Variants in RTRAF observed in about 807,000 individuals in gnomAD.
The protein encoded by RTRAF is tRNA-splicing ligase complex subunit RTRAF.
RTRAF carries 14 observed loss-of-function variants against 34.4 expected under a neutral mutation model. The observed-to-expected ratio is 0.41, with a 90% CI of 0.27 to 0.64. The LOEUF (loss-of-function observed/expected upper bound fraction) is 0.64, where lower values mean the gene tolerates loss of function less well. RTRAF is among the 30% of genes least tolerant of loss of function. The pLI is 0.34. For missense variants in RTRAF, 291 were observed against 288.4 expected, an observed-to-expected ratio of 1.01 and a Z score of -0.06; for synonymous variants, 96 against 95.3, an observed-to-expected ratio of 1.01 and a Z score of -0.04.
chr14:51,991,858 G>A (rs1890440504), intron 2 of RTRAF, among the ~76,000 whole-genome samples: 1 of 152,160 alleles, frequency 6.6e-6, no homozygotes, highest in Admixed American at 6.5e-5. Flanking sequence ...TTGAGCTCAG[G>A]AGTTCTGACA....
rs1365533964 is a variant in RTRAF, at chr14:52,007,190, G to A, written c.*2674G>A. On this transcript the variant is annotated 3_prime_UTR_variant, in exon 8 of 8. Coordinates refer to ENST00000261700, the MANE Select transcript of RTRAF (RefSeq NM_016039.3). Reference sequence around the variant, plus strand: ...AATTTCCAAGTTTCACATTTCTCATGGAGCCGATTTAAATTTCAAATCCTT... The same window carrying A: ...AATTTCCAAGTTTCACATTTCTCATAGAGCCGATTTAAATTTCAAATCCTT... The A allele has an allele frequency of 6.5e-6, 1 of 153,808 alleles. No homozygotes were observed. Among genetic ancestry groups the A allele is most frequent in the Admixed American group, 6.4e-5 (1 of 15,528 alleles). The allele number at this position is 153,808 out of a possible 1,614,324, so 9.5% of individuals were successfully genotyped here. A position where few individuals can be genotyped will look rare whatever the true frequency, so the allele number is the denominator to read the frequency against.
chr14:52,005,423 T>C lies in RTRAF; in HGVS notation c.*907T>C. The C allele has an allele frequency of 6.8e-7, 1 of 1,462,214 alleles. No homozygotes were observed. The highest frequency in any genetic ancestry group is 1.5e-5 in the South Asian group (1 of 65,400). 90.6% of individuals were successfully genotyped at this position (1,462,214 alleles called of 1,614,324 possible). On this transcript the variant is annotated 3_prime_UTR_variant, in exon 8 of 8. Coordinates refer to ENST00000261700, the MANE Select transcript of RTRAF (RefSeq NM_016039.3). The stretch of plus-strand genomic sequence containing the variant: ...TTTTTTACTTTCTTTGCCTTTGCAG[T>C]CACTGTTCTTTAGGGTCCAGGTTCT...
chr14:52,004,194 G>A lies in RTRAF; in HGVS notation c.532G>A (p.Gly178Ser). Residue 178 changes from glycine (G) to serine (S), a missense_variant and splice_region_variant, in exon 7 of 8, where the codon GGC becomes AGC. Physicochemically the swap from Gly to Ser is moderately conservative, Grantham distance 56 (BLOSUM62 0). Transcript: ENST00000261700. ...AVAKANQTKE[G>S]LPVALDKHIL... ...TCATTTTGTCTTTCTTTTTTTAAAG[G>A]GCTTACCTGTTGCTTTAGACAAACA... The A allele has an allele frequency of 6.2e-7, 1 of 1,611,802 alleles. No homozygotes were observed. The highest frequency in any genetic ancestry group is 1.1e-5 in the South Asian group (1 of 90,826).
At chr14:51,996,712 T>G (rs1217639879) in intron 3 of RTRAF, among the ~76,000 whole-genome samples, 2 of 152,020 alleles carry the variant, frequency 1.3e-5, no homozygotes, top group East Asian at 3.8e-4. Context: ...AAAACAACTT[T>G]GTCTTATATA....
chr14:51,990,206 C>G (rs1310484865), intron 1 of RTRAF, among the ~76,000 whole-genome samples: 4 of 152,188 alleles, frequency 2.6e-5, no homozygotes, highest in Non-Finnish European at 5.9e-5. Flanking sequence ...GGACCGATCA[C>G]AGTGGGAGGG....
rs1248021989 is a variant in RTRAF, at chr14:52,004,780, A to G, written c.*264A>G. ...ATATGCCAACCCCCAGCTTTGTCCT[A>G]GAGACAATATAGATCCTTAAGTCAT... On this transcript the variant is annotated 3_prime_UTR_variant, in exon 8 of 8. Transcript: ENST00000261700. 6.1e-6 allele frequency: 2 copies of G among 327,120 alleles called. No individual in the cohort carries two copies. Among genetic ancestry groups the G allele is most frequent in the Non-Finnish European group, 1.1e-5 (2 of 181,580 alleles). 20.3% of individuals were successfully genotyped at this position (327,120 alleles called of 1,614,324 possible).
At chr14:52,000,479 A>C (rs143319251) in intron 5 of RTRAF, among the ~76,000 whole-genome samples, 334 of 152,264 alleles carry the variant, frequency 2.2e-3, no homozygotes, top group African/African-American at 7.8e-3. Context: ...TTAAGATACC[A>C]GACTTGGAAA....
rs1202618218 is a variant in RTRAF at position 52,006,574 on chromosome 14, T to A, written c.*2058T>A. The stretch of plus-strand genomic sequence containing the variant: ...GTGTGGTAGAAGTGATCTGCATAGC[T>A]TACGATGCTGAAGGGGTACTTGAGG... On this transcript the variant is annotated 3_prime_UTR_variant, in exon 8 of 8. Transcript: ENST00000261700. The A allele has an allele frequency of 6.2e-7, 1 of 1,613,796 alleles. No individual in the cohort carries two copies. Among genetic ancestry groups the A allele is most frequent in the South Asian group, 1.1e-5 (1 of 91,070 alleles).
At chr14:51,992,202 CAGATT>C (rs1320402719) in intron 2 of RTRAF, among the ~76,000 whole-genome samples, 4 of 152,122 alleles carry the variant, frequency 2.6e-5, no homozygotes, top group South Asian at 2.1e-4. Flanking sequence ...AAAGAATTCT[CAGATT>C]AGAATAAAAA....
intron 2 of RTRAF, among the ~76,000 whole-genome samples, chr14:51,991,848 T>G (rs969815590): frequency 1.3e-5 from 2 of 152,080 alleles, no homozygotes; most frequent in Non-Finnish European, 1.5e-5. Flanking sequence ...GGCAGATCAT[T>G]TGAGCTCAGG....
rs1890498486 is a variant in RTRAF, at chr14:51,995,120, T to A, written c.286+1298T>A. 1.3e-5 allele frequency among the ~76,000 whole-genome samples: 2 copies of A among 152,148 alleles called. 1 individual carries two copies. Among genetic ancestry groups the A allele is most frequent in the Non-Finnish European group, 2.9e-5 (2 of 68,016 alleles). ...GTAATTTGTAAACTGATACTCAGCT[T>A]TGATTCCTACATGGTACCTCTCTTA... On this transcript the variant is annotated intron_variant, in intron 3 of 7. Coordinates refer to ENST00000261700, the MANE Select transcript of RTRAF (RefSeq NM_016039.3).
chr14:52,004,138 G>A (rs1204090609), intron 6 of RTRAF, 56 bp from the exon 7 acceptor site: 6 of 1,461,788 alleles, frequency 4.1e-6, no homozygotes, highest in East Asian at 2.3e-5. Flanking sequence ...TTCAGTTGAG[G>A]AAAGGATGCT....
intron 1 of RTRAF, among the ~76,000 whole-genome samples, chr14:51,990,737 A>G (rs1890419423): frequency 6.6e-6 from 1 of 152,204 alleles, no homozygotes. Context: ...CGAAACAATT[A>G]TGCACTTAAT....
chr14:51,991,518 CTTCTT>C (rs1890434359), intron 2 of RTRAF, 77 bp downstream of exon 2: 4 of 1,479,270 alleles, frequency 2.7e-6, no homozygotes, highest in Non-Finnish European at 3.7e-6. Context: ...AAATTACTTT[CTTCTT>C]TTAAGAAAAA....
At chr14:52,001,500 C>T (rs1412256062) in intron 5 of RTRAF, among the ~76,000 whole-genome samples, 1 of 152,150 alleles carries the variant, frequency 6.6e-6, no homozygotes, top group Non-Finnish European at 1.5e-5. Flanking sequence ...AGGAGACCTA[C>T]TTTTTACCAT....
intron 3 of RTRAF, among the ~76,000 whole-genome samples, chr14:51,996,103 A>G (rs971663856): frequency 4.7e-4 from 72 of 152,148 alleles, no homozygotes; most frequent in African/African-American, 1.6e-3. Context: ...TTTAGTAAGT[A>G]CATGTATTTC....
rs1335170246 is a variant in RTRAF, at chr14:52,006,621, C to A, written c.*2105C>A. 8.7e-6 allele frequency: 14 copies of A among 1,613,738 alleles called. No individual in the cohort carries two copies. The highest frequency in any genetic ancestry group is 1.2e-5 in the Non-Finnish European group (14 of 1,179,798). The stretch of plus-strand genomic sequence containing the variant: ...GAGGTTGTTTTGAATGACACGCCGT[C>A]CAGTTCCATCAGGTAGTGTACACTC... On this transcript the variant is annotated 3_prime_UTR_variant, in exon 8 of 8. Transcript: ENST00000261700.
Position 52,005,507 on chromosome 14 carries a change from A to C in RTRAF, c.*991A>C. The C allele has an allele frequency of 6.3e-7, 1 of 1,596,340 alleles. No homozygotes were observed. The highest frequency in any genetic ancestry group is 8.5e-7 in the Non-Finnish European group (1 of 1,173,658). On this transcript the variant is annotated 3_prime_UTR_variant, in exon 8 of 8. Coordinates refer to ENST00000261700, the MANE Select transcript of RTRAF (RefSeq NM_016039.3). ...GTACTTACTTTCTTCCTGTGAGAGA[A>C]GAGCAGGGGTGGGACAGGGTGGTGG... is the stretch of plus-strand genomic sequence containing the variant.
At chr14:52,002,997 A>T (rs1693191) in intron 6 of RTRAF, among the ~76,000 whole-genome samples, 151,206 of 152,308 alleles carry the variant, frequency 0.99, 75,075 homozygotes, top group Middle Eastern at 1. Flanking sequence ...AATAAAGTCA[A>T]TCATTCATTC....
Sources: allele counts gnomAD v4.1 joint callset (sites outside exome capture counted in the v4.1 genomes callset), GRCh38; gene constraint gnomAD v4.1.1; transcripts MANE v1.5; gene names NCBI Gene and HGNC (gene_info 2026-07-23, HGNC 2026-07-21).